The following PDZRN4 variants were observed in gnomAD, a reference collection of about 807,000 sequenced individuals.
PDZRN4 encodes PDZ domain containing ring finger 4.
In PDZRN4, 70 loss-of-function variants were observed where a neutral mutation model predicts 99.0. The ratio of observed to expected loss-of-function variants is 0.71; its 90% CI spans 0.58 to 0.86. PDZRN4 has a LOEUF of 0.86. PDZRN4 is among the 40% of genes least tolerant of loss of function. The pLI is 0.00. For missense variants in PDZRN4, 1,474 were observed against 1,331.2 expected (o/e 1.11, Z -1.67); for synonymous variants, 551 against 501.6 (o/e 1.10, Z -1.32).
intron 3 of PDZRN4, among the ~76,000 whole-genome samples, chr12:41,407,018 A>G (rs1281156654): frequency 6.6e-6 from 1 of 152,156 alleles, no homozygotes; most frequent in Non-Finnish European, 1.5e-5. Flanking sequence ...GGTGTTCAAG[A>G]AATGCCTGAT....
chr12:41,395,394 G>A (rs925279623), intron 3 of PDZRN4, among the ~76,000 whole-genome samples: 1 of 152,080 alleles, frequency 6.6e-6, no homozygotes, highest in Non-Finnish European at 1.5e-5. Flanking sequence ...TTATTTGATT[G>A]GGTCTCAGAG....
At chr12:41,424,590 G>T (rs943688514) in intron 3 of PDZRN4, among the ~76,000 whole-genome samples, 3 of 152,094 alleles carry the variant, frequency 2.0e-5, no homozygotes, top group African/African-American at 7.2e-5. Flanking sequence ...AAATATATTT[G>T]CTTAATACAT....
At chr12:41,522,172 A>G (rs1254089401) in intron 5 of PDZRN4, among the ~76,000 whole-genome samples, 1 of 152,160 alleles carries the variant, frequency 6.6e-6, no homozygotes, top group Non-Finnish European at 1.5e-5. Flanking sequence ...GGGAAATTCA[A>G]AAGAAAACTG....
intron 3 of PDZRN4, among the ~76,000 whole-genome samples, chr12:41,443,409 C>G (rs557352337): frequency 6.6e-6 from 1 of 152,092 alleles, no homozygotes; most frequent in East Asian, 1.9e-4. Flanking sequence ...CAATAGGTAT[C>G]GCTAAATGCT....
chr12:41,447,336 TA>T (rs1157825294), intron 3 of PDZRN4, among the ~76,000 whole-genome samples: 1 of 152,096 alleles, frequency 6.6e-6, no homozygotes, highest in African/African-American at 2.4e-5. Context: ...TGGAAAATAA[TA>T]AAAATGTTTT....
At chr12:41,345,649 T>C (rs973890843) in intron 3 of PDZRN4, among the ~76,000 whole-genome samples, 5 of 152,176 alleles carry the variant, frequency 3.3e-5, no homozygotes, top group African/African-American at 1.2e-4. Context: ...TCTTTTGGGA[T>C]AGAGAGAGAT....
intron 3 of PDZRN4, among the ~76,000 whole-genome samples, chr12:41,261,422 G>T (rs998918624): frequency 6.6e-6 from 1 of 152,192 alleles, no homozygotes; most frequent in African/African-American, 2.4e-5. Flanking sequence ...GCTTAATCAA[G>T]ATTTAGCAAT....
chr12:41,198,375 T>C (rs1453857947), intron 3 of PDZRN4, among the ~76,000 whole-genome samples: 2 of 152,044 alleles, frequency 1.3e-5, no homozygotes, highest in African/African-American at 2.4e-5. Flanking sequence ...GAAACAGTGC[T>C]GGAGGCACAG....
intron 3 of PDZRN4, among the ~76,000 whole-genome samples, chr12:41,376,816 G>A (rs988127926): frequency 6.6e-6 from 1 of 152,006 alleles, no homozygotes; most frequent in Non-Finnish European, 1.5e-5. Flanking sequence ...CCAGTGTCAA[G>A]GAGTTTTTCC....
At chr12:41,335,036 T>A (rs2204591) in intron 3 of PDZRN4, among the ~76,000 whole-genome samples, 58,371 of 151,778 alleles carry the variant, frequency 0.38, 11,307 homozygotes, top group African/African-American at 0.41. Flanking sequence ...TTGATAGAGC[T>A]TCCTTGAAAA....
intron 3 of PDZRN4, among the ~76,000 whole-genome samples, chr12:41,312,491 A>G (rs955904886): frequency 1.8e-4 from 27 of 152,142 alleles, no homozygotes; most frequent in African/African-American, 6.3e-4. Flanking sequence ...CATGCCGCTA[A>G]TAAAGACATA....
intron 3 of PDZRN4, among the ~76,000 whole-genome samples, chr12:41,487,659 G>T (rs1171213992): frequency 6.6e-6 from 1 of 152,120 alleles, no homozygotes; most frequent in Non-Finnish European, 1.5e-5. Flanking sequence ...AATTCATAAG[G>T]CTTGTCTCTT....
At chr12:41,278,987 T>C (rs75834875) in intron 3 of PDZRN4, among the ~76,000 whole-genome samples, 3,942 of 152,232 alleles carry the variant, frequency 0.026, 109 homozygotes, top group East Asian at 0.12. Context: ...TATCCTGCCA[T>C]ATTTATAACT....
At chr12:41,255,177 G>C (rs1951195704) in intron 3 of PDZRN4, among the ~76,000 whole-genome samples, 1 of 152,170 alleles carries the variant, frequency 6.6e-6, no homozygotes. Context: ...AGTGAGACAG[G>C]TGTAGTGGGG....
chr12:41,202,172 A>G (rs2120667386), intron 3 of PDZRN4, among the ~76,000 whole-genome samples: 1 of 152,240 alleles, frequency 6.6e-6, no homozygotes, highest in South Asian at 2.1e-4. Context: ...GAAGCTTCCT[A>G]GAGCACTGGG....
chr12:41,357,465 A>C (rs1951935908), intron 3 of PDZRN4, among the ~76,000 whole-genome samples: 1 of 151,970 alleles, frequency 6.6e-6, no homozygotes, highest in African/African-American at 2.4e-5. Context: ...TTTGTCAATT[A>C]AATAACTTAG....
chr12:41,328,614 G>C (rs1393581870), intron 3 of PDZRN4, among the ~76,000 whole-genome samples: 2 of 152,140 alleles, frequency 1.3e-5, no homozygotes, highest in Non-Finnish European at 2.9e-5. Flanking sequence ...TTAAAAATCT[G>C]TTTATATCTG....
intron 9 of PDZRN4, among the ~76,000 whole-genome samples, chr12:41,568,248 C>T (rs1403386798): frequency 6.6e-6 from 1 of 152,002 alleles, no homozygotes; most frequent in Non-Finnish European, 1.5e-5. Flanking sequence ...GTAGCTTCCC[C>T]AATAAGTAAT....
intron 3 of PDZRN4, among the ~76,000 whole-genome samples, chr12:41,263,364 C>T (rs1353676509): frequency 1.3e-5 from 2 of 151,932 alleles, no homozygotes; most frequent in East Asian, 3.9e-4. Flanking sequence ...ACCAGCCTGG[C>T]CAATATGGTG....
Sources: gnomAD v4.1 joint callset for allele counts (sites outside exome capture counted in the v4.1 genomes callset) on GRCh38, gnomAD v4.1.1 for gene constraint, MANE v1.5 for transcripts, NCBI Gene and HGNC (gene_info 2026-07-23, HGNC 2026-07-21) for gene names.